Variants in CACTIN observed in about 807,000 individuals in gnomAD.
CACTIN encodes the protein cactin, spliceosome C complex subunit.
CACTIN carries 20 observed loss-of-function variants against 84.9 expected under a neutral mutation model. The observed-to-expected ratio is 0.24, with a 90% CI of 0.17 to 0.34. The LOEUF is 0.34. Ranked by LOEUF, CACTIN falls within the 10% of genes least tolerant of loss-of-function variation. The pLI is 1.00. For synonymous variants in CACTIN, 549 were observed against 467.9 expected (o/e 1.17, Z -2.24); for missense variants, 897 against 1,117.2 (o/e 0.80, Z 2.81).
chr19:3,620,075 C>T, intron 4 of CACTIN, 52 bp downstream of exon 4: 2 of 1,595,730 alleles, frequency 1.3e-6, no homozygotes, highest in East Asian at 2.2e-5. Flanking sequence ...ACAGCCAGTG[C>T]CCGGCCCTGG....
chr19:3,617,462 A>G (rs56298926), intron 6 of CACTIN, among the ~76,000 whole-genome samples: 8,903 of 152,280 alleles, frequency 0.058, 384 homozygotes, highest in Non-Finnish European at 0.089. Flanking sequence ...GGGGTCCCCA[A>G]CTGTAACGCG....
rs1037713155 is a variant in CACTIN at position 3,619,064 on chromosome 19, G to C, written c.1047+16C>G. On this transcript the variant is annotated intron_variant, in intron 5 of 9. Coordinates refer to ENST00000429344, the MANE Select transcript of CACTIN (RefSeq NM_001080543.2). ...TGAGGGTGCAGGTCAGAGGAGCATCGGGTGGGGCTGGGTACCTGGATATCC... is the reference window on the plus strand; with the variant it reads ...TGAGGGTGCAGGTCAGAGGAGCATCCGGTGGGGCTGGGTACCTGGATATCC... 5.2e-6 allele frequency: 8 copies of C among 1,551,508 alleles called. No homozygotes were observed. In the African/African-American group the frequency reaches 1.1e-4, roughly 21 times the overall value.
chr19:3,614,616 G>A, intron 6 of CACTIN, 27 bp from the exon 7 acceptor site: 2 of 1,568,856 alleles, frequency 1.3e-6, no homozygotes. Context: ...GCATGGGGGG[G>A]CGGTTCCACA....
intron 4 of CACTIN, among the ~76,000 whole-genome samples, chr19:3,619,925 G>GCCCGTCTCCTCTGCA (rs1291129881): frequency 6.6e-6 from 1 of 152,174 alleles, no homozygotes; most frequent in African/African-American, 2.4e-5. Flanking sequence ...GTTCACCTGG[G>GCCCGTCTCCTCTGCA]CCCGTCTCCT....
chr19:3,619,690 C>T (rs933902919), intron 4 of CACTIN, among the ~76,000 whole-genome samples: 15 of 152,138 alleles, frequency 9.9e-5, no homozygotes, highest in Admixed American at 7.2e-4. Flanking sequence ...GGGGGGTACG[C>T]GTTGCAGGCG....
intron 9 of CACTIN, 141 bp downstream of exon 9, chr19:3,612,917 G>C (rs1442020674): frequency 7.5e-5 from 79 of 1,055,686 alleles, no homozygotes; most frequent in Non-Finnish European, 8.0e-5. Flanking sequence ...GTGACGGAAT[G>C]CACGCTCAGA....
In CACTIN at chr19:3,626,713, C is replaced by A. The variant is rs1044722321; in HGVS notation, c.50G>T (p.Arg17Leu). The A allele has an allele frequency of 4.7e-6, 7 of 1,499,056 alleles. No individual in the cohort carries two copies. Among genetic ancestry groups the A allele is most frequent in the Non-Finnish European group, 6.2e-6 (7 of 1,130,942 alleles). The allele number at this position is 1,499,056 out of a possible 1,614,324, so 92.9% of individuals were successfully genotyped here. Residue 17 changes from arginine to leucine, a missense_variant, in exon 1 of 10, where the codon CGA becomes CTA. Arg to Leu is a moderately radical substitution (Grantham distance 102). This residue lies in a region of CACTIN where 261 missense variants were observed against 243.8 expected (regional missense o/e 1.07). Coordinates refer to ENST00000429344, the MANE Select transcript of CACTIN (RefSeq NM_001080543.2). ...SRSRSAGRRGRRRQSQSGSRS... is the reference protein window; with the variant it reads ...SRSRSAGRRGLRRQSQSGSRS... ...GCTCCCGCTCTGACTCTGCCGCCTT[C>A]GGCCCCGGCGACCCGCGGACCGCGA...
chr19:3,622,955 G>A (rs964334338), intron 2 of CACTIN, among the ~76,000 whole-genome samples: 4 of 152,216 alleles, frequency 2.6e-5, no homozygotes, highest in East Asian at 3.8e-4. Context: ...ATGACGGTGG[G>A]CTGGGCGCAG....
chr19:3,612,138 T>A lies in CACTIN; in HGVS notation c.2062A>T (p.Lys688Ter). The change falls in exon 10 of 10, where the codon AAG becomes TAG. Residue 688 changes from lysine (K) to a stop codon, truncating the protein, a stop_gained. Transcript: ENST00000429344. LOFTEE classifies it high-confidence loss of function. ...FNIFYPDLID[K>*]RSTPEYFLEA... The stretch of plus-strand genomic sequence containing the variant: ...AGGAAGTACTCGGGCGTGGAGCGCT[T>A]GTCGATGAGGTCGGGGTAGAAGATG... 1 of 1,613,746 alleles carries A rather than the reference T, an allele frequency of 6.2e-7. No homozygotes were observed. Among genetic ancestry groups the A allele is most frequent in the Non-Finnish European group, 8.5e-7 (1 of 1,179,882 alleles).
Position 3,613,257 on chromosome 19 carries a change from C to CCCGTCG in CACTIN, c.1581_1586dup (p.Asp530_Gly531dup), listed in dbSNP as rs752506521. 113 of 1,604,140 alleles carry CCCGTCG rather than the reference C, an allele frequency of 7.0e-5. No individual in the cohort carries two copies. Among genetic ancestry groups the CCCGTCG allele is most frequent in the Middle Eastern group, 3.3e-4 (2 of 6,026 alleles). On this transcript the variant is annotated inframe_insertion, in exon 9 of 10. Transcript: ENST00000429344. ...CGCCCTCGCCCTCGCCCTCACCGTC[C>CCCGTCG]CCGTCGCCGTCGCCCTCTGTCGGGG...
rs191160617 is a variant in CACTIN, at chr19:3,623,675, C to G, written c.642+13G>C. 6.0e-5 allele frequency: 95 copies of G among 1,583,376 alleles called. No individual in the cohort carries two copies. The highest frequency in any genetic ancestry group is 7.8e-5 in the Non-Finnish European group (91 of 1,162,114). ...TGCTACAGGGACAGAGGCCACCACC[C>G]GGCGGGGCCCACCTTATTCCAGATG... On this transcript the variant is annotated intron_variant, in intron 2 of 9. Coordinates refer to ENST00000429344, the MANE Select transcript of CACTIN (RefSeq NM_001080543.2).
chr19:3,611,559 A>C lies in CACTIN; in HGVS notation c.*364T>G. On this transcript the variant is annotated 3_prime_UTR_variant, in exon 10 of 10. Transcript: ENST00000429344. Reference sequence around the variant, plus strand: ...ACCCTGTGTGGCCGCCACTTGGGGCAGGCCCTGTGGGCCCCACCCAGCCTG... The same window carrying C: ...ACCCTGTGTGGCCGCCACTTGGGGCCGGCCCTGTGGGCCCCACCCAGCCTG... The C allele has an allele frequency of 2.7e-6, 1 of 373,700 alleles. No individual in the cohort carries two copies. The highest frequency in any genetic ancestry group is 5.2e-6 in the Non-Finnish European group (1 of 193,170). 23.1% of individuals were successfully genotyped at this position (373,700 alleles called of 1,614,324 possible). A position where few individuals can be genotyped will look rare whatever the true frequency, so the allele number is the denominator to read the frequency against.
chr19:3,612,710 C>T, intron 9 of CACTIN: 2 of 697,874 alleles, frequency 2.9e-6, no homozygotes, highest in Non-Finnish European at 5.2e-6. Flanking sequence ...CTGCGGGATC[C>T]AGCCCCACGC....
At chr19:3,624,589 A>C (rs2033296094) in intron 1 of CACTIN, among the ~76,000 whole-genome samples, 2 of 152,034 alleles carry the variant, frequency 1.3e-5, no homozygotes, top group Non-Finnish European at 2.9e-5. Context: ...TTCTAAGAAC[A>C]ACAAGGAGGC....
chr19:3,619,794 A>G (rs1036049829), intron 4 of CACTIN, among the ~76,000 whole-genome samples: 18 of 152,176 alleles, frequency 1.2e-4, no homozygotes, highest in African/African-American at 4.3e-4. Flanking sequence ...GCAAGCAGGG[A>G]CACCCCGGAG....
chr19:3,626,501 CG>C, intron 1 of CACTIN, 94 bp downstream of exon 1: 2 of 1,213,932 alleles, frequency 1.6e-6, no homozygotes, highest in Non-Finnish European at 2.1e-6. Flanking sequence ...CCGAGTAAGT[CG>C]GGGGTTTCCC....
chr19:3,612,931 C>T (rs2032999840), intron 9 of CACTIN, 127 bp downstream of exon 9: 1 of 1,168,524 alleles, frequency 8.6e-7, no homozygotes, highest in Middle Eastern at 1.9e-4. Flanking sequence ...GCTCAGAGAC[C>T]CGGGGGAGAA....
At chr19:3,626,090 T>C (rs1367795441) in intron 1 of CACTIN, among the ~76,000 whole-genome samples, 1 of 152,174 alleles carries the variant, frequency 6.6e-6, no homozygotes, top group Non-Finnish European at 1.5e-5. Flanking sequence ...CCCGCTGTGG[T>C]TGACTACAGC....
rs751070452 is a variant in CACTIN, at chr19:3,620,938, C to T, written c.643-136G>A. The T allele has an allele frequency of 1.7e-5, 12 of 724,090 alleles. No homozygotes were observed. The Admixed American group carries it at 2.2e-4, about 13-fold the overall frequency. 44.9% of individuals were successfully genotyped at this position (724,090 alleles called of 1,614,324 possible). Reference sequence around the variant, plus strand: ...ACCTGCCAGCACTGCACGTCTTCCACCCCCTCCTTAACACTCCTGAAACCC... The same window carrying T: ...ACCTGCCAGCACTGCACGTCTTCCATCCCCTCCTTAACACTCCTGAAACCC... On this transcript the variant is annotated intron_variant, in intron 2 of 9. Coordinates refer to ENST00000429344, the MANE Select transcript of CACTIN (RefSeq NM_001080543.2).
Sources: gnomAD v4.1 joint callset for allele counts (sites outside exome capture counted in the v4.1 genomes callset) on GRCh38, gnomAD v4.1.1 for gene constraint, gnomAD v4.1.1 regional missense constraint, MANE v1.5 for transcripts, NCBI Gene and HGNC (gene_info 2026-07-23, HGNC 2026-07-21) for gene names.